PIK3C2G: variants seen among roughly 807,000 people sequenced by gnomAD.
PIK3C2G encodes the protein phosphatidylinositol 3-kinase C2 domain-containing subunit gamma.
A neutral mutation model predicts 181.1 loss-of-function variants in PIK3C2G; 168 were observed. That is an observed-to-expected ratio of 0.93 (90% CI 0.82 to 1.05). The LOEUF is 1.05. Ranked by LOEUF, PIK3C2G falls within the 50% of genes least tolerant of loss-of-function variation. The pLI is 0.00. For synonymous variants in PIK3C2G, 573 were observed against 592.2 expected (o/e 0.97, Z 0.47); for missense variants, 1,869 against 1,732.8 (o/e 1.08, Z -1.40).
At chr12:18,582,613 A>T in intron 29 of PIK3C2G, among the ~76,000 whole-genome samples, 1 of 152,188 alleles carries the variant, frequency 6.6e-6, no homozygotes, top group Non-Finnish European at 1.5e-5. Context: ...AATGGTGTGC[A>T]GGCTCCGCTT....
At chr12:18,596,613 G>A (rs1004700537) in intron 30 of PIK3C2G, among the ~76,000 whole-genome samples, 3 of 152,136 alleles carry the variant, frequency 2.0e-5, no homozygotes, top group African/African-American at 4.8e-5. Flanking sequence ...CACAGCAATT[G>A]TCAGGGTTAA....
chr12:18,725,779 TTTTG>T, the PIK3C2G span, among the ~76,000 whole-genome samples: 9 of 152,226 alleles, frequency 5.9e-5, no homozygotes, highest in South Asian at 2.1e-4. Context: ...CGTTGTTGTT[TTTTG>T]TTTGTTTGTT....
chr12:18,378,319 C>CCT (rs144529189), intron 13 of PIK3C2G, among the ~76,000 whole-genome samples: 1 of 151,858 alleles, frequency 6.6e-6, no homozygotes, highest in African/African-American at 2.4e-5. Context: ...TGAGTTCCCC[C>CCT]CCCCGTAACT....
At chr12:18,329,964 A>C (rs561919246) in intron 8 of PIK3C2G, among the ~76,000 whole-genome samples, 2 of 152,188 alleles carry the variant, frequency 1.3e-5, no homozygotes, top group Admixed American at 1.3e-4. Flanking sequence ...TTAAAAATGT[A>C]CTATTCAATT....
At chr12:18,650,342 T>TAG (rs1429118188), downstream of PIK3C2G, among the ~76,000 whole-genome samples, 1 of 134,610 alleles carries the variant, frequency 7.4e-6, no homozygotes, top group African/African-American at 3.1e-5. Flanking sequence ...TATATATATA[T>TAG]ATATATGTGT....
At chr12:18,696,241 C>T in the PIK3C2G span, 1 of 1,588,128 alleles carries the variant, frequency 6.3e-7, no homozygotes, top group Non-Finnish European at 8.6e-7. Context: ...TAATGAACTT[C>T]CTGGTGTGAA....
chr12:18,530,199 G>A (rs754983486), intron 24 of PIK3C2G, among the ~76,000 whole-genome samples: 1 of 152,014 alleles, frequency 6.6e-6, no homozygotes, highest in African/African-American at 2.4e-5. Context: ...TCAGAACAGA[G>A]TCTACTTTTC....
rs561121809 is a variant in PIK3C2G, at chr12:18,312,835, A to G, written c.1035-1127A>G. The stretch of plus-strand genomic sequence containing the variant: ...TTAAAAACAACGTTAAAATAGAAAC[A>G]TTTAAAAAGAATTTACTATATAGTA... On this transcript the variant is annotated intron_variant, in intron 5 of 32. Transcript: ENST00000538779. 2.0e-5 allele frequency among the ~76,000 whole-genome samples: 3 copies of G among 152,230 alleles called. No homozygotes were observed. The South Asian group carries it at 6.2e-4, about 32-fold the overall frequency.
intron 1 of PIK3C2G, among the ~76,000 whole-genome samples, chr12:18,268,679 G>A (rs1591786131): frequency 6.6e-6 from 1 of 152,230 alleles, no homozygotes; most frequent in Non-Finnish European, 1.5e-5. Flanking sequence ...AAAATAAAAT[G>A]TGACTATTCA....
intron 28 of PIK3C2G, among the ~76,000 whole-genome samples, chr12:18,564,624 T>C: frequency 6.6e-6 from 1 of 151,904 alleles, no homozygotes; most frequent in South Asian, 2.1e-4. Context: ...AGTCCAGAAA[T>C]TAAGAGCATA....
chr12:18,311,735 T>C (rs1950647302), intron 5 of PIK3C2G, among the ~76,000 whole-genome samples: 1 of 152,062 alleles, frequency 6.6e-6, no homozygotes, highest in African/African-American at 2.4e-5. Context: ...CAGGGTTCTC[T>C]AGAGAGACAG....
chr12:18,347,995 T>C (rs1401944065), intron 11 of PIK3C2G, among the ~76,000 whole-genome samples: 2 of 152,062 alleles, frequency 1.3e-5, no homozygotes, highest in Non-Finnish European at 2.9e-5. Flanking sequence ...TTTCCTTTTA[T>C]AATTTTATGA....
chr12:18,600,476 A>G (rs1947649332), intron 30 of PIK3C2G, among the ~76,000 whole-genome samples: 1 of 152,098 alleles, frequency 6.6e-6, no homozygotes, highest in East Asian at 1.9e-4. Flanking sequence ...GATAAAGATA[A>G]AAGTAGACTT....
At chr12:18,380,545 CT>C (rs1321191926) in intron 13 of PIK3C2G, among the ~76,000 whole-genome samples, 1 of 152,142 alleles carries the variant, frequency 6.6e-6, no homozygotes, top group African/African-American at 2.4e-5. Flanking sequence ...ATCTTTACCT[CT>C]ATTAAACTAA....
the PIK3C2G span, among the ~76,000 whole-genome samples, chr12:18,722,036 A>C: frequency 1.3e-5 from 2 of 151,978 alleles, no homozygotes; most frequent in East Asian, 3.9e-4. Flanking sequence ...CTGTTCCTTC[A>C]GTTATTCAAT....
At chr12:18,414,295 G>A (rs1945043701) in intron 16 of PIK3C2G, among the ~76,000 whole-genome samples, 1 of 151,962 alleles carries the variant, frequency 6.6e-6, no homozygotes, top group Non-Finnish European at 1.5e-5. Flanking sequence ...CGTTTTCTTA[G>A]CAATTAATAA....
intron 5 of PIK3C2G, among the ~76,000 whole-genome samples, chr12:18,307,456 A>T (rs1240844255): frequency 6.6e-6 from 1 of 151,968 alleles, no homozygotes; most frequent in African/African-American, 2.4e-5. Context: ...ATTAAATAAA[A>T]CATAGGTAGT....
the PIK3C2G span, among the ~76,000 whole-genome samples, chr12:18,681,492 A>T: frequency 6.6e-6 from 1 of 152,066 alleles, no homozygotes; most frequent in Non-Finnish European, 1.5e-5. Context: ...ATGTGAGAAC[A>T]TTCCCTGACT....
intron 18 of PIK3C2G, among the ~76,000 whole-genome samples, chr12:18,432,206 C>T (rs1185186398): frequency 2.0e-5 from 3 of 152,120 alleles, no homozygotes; most frequent in African/African-American, 7.2e-5. Flanking sequence ...CTTATACAAA[C>T]TTCTACCACA....
Sources: gnomAD v4.1 joint callset for allele counts (sites outside exome capture counted in the v4.1 genomes callset) on GRCh38, gnomAD v4.1.1 for gene constraint, MANE v1.5 for transcripts, NCBI Gene and HGNC (gene_info 2026-07-23, HGNC 2026-07-21) for gene names.